VSTM4: variants seen among roughly 807,000 people sequenced by gnomAD.
VSTM4 encodes V-set and transmembrane domain-containing protein 4.
VSTM4 carries 20 observed loss-of-function variants against 36.4 expected under a neutral mutation model. The ratio of observed to expected loss-of-function variants is 0.55; its 90% CI spans 0.39 to 0.80. VSTM4 has a LOEUF of 0.80. Ranked by LOEUF, VSTM4 falls within the 30% of genes least tolerant of loss-of-function variation. VSTM4 has a pLI of 0.00. For missense variants in VSTM4, 392 were observed against 404.5 expected, an observed-to-expected ratio of 0.97 and a Z score of 0.26; for synonymous variants, 182 against 173.9, an observed-to-expected ratio of 1.05 and a Z score of -0.37.
chr10:49,030,471 C>T (rs1464034868), intron 7 of VSTM4, among the ~76,000 whole-genome samples: 2 of 152,130 alleles, frequency 1.3e-5, no homozygotes, highest in Non-Finnish European at 2.9e-5. Flanking sequence ...GGCCAGATTC[C>T]CCCTCCACCC....
At chr10:49,074,042 C>T (rs184345261) in intron 4 of VSTM4, among the ~76,000 whole-genome samples, 1 of 152,238 alleles carries the variant, frequency 6.6e-6, no homozygotes, top group Non-Finnish European at 1.5e-5. Context: ...CCATCTGTGT[C>T]TGTCTATGCT....
intron 6 of VSTM4, among the ~76,000 whole-genome samples, chr10:49,047,541 G>A (rs768089932): frequency 1.6e-4 from 25 of 152,358 alleles, no homozygotes; most frequent in African/African-American, 5.8e-4. Flanking sequence ...GGCATTGAAA[G>A]TCAGGCTCTA....
chr10:49,068,301 C>T (rs994028592), intron 4 of VSTM4, among the ~76,000 whole-genome samples: 3 of 151,990 alleles, frequency 2.0e-5, no homozygotes, highest in Non-Finnish European at 2.9e-5. Flanking sequence ...ATGAGCTGAC[C>T]GGTGTTTTGA....
At chr10:49,071,580 G>A (rs1310268424) in intron 4 of VSTM4, among the ~76,000 whole-genome samples, 1 of 152,222 alleles carries the variant, frequency 6.6e-6, no homozygotes, top group African/African-American at 2.4e-5. Context: ...TGGGGTGAGG[G>A]CAGAGAAGCA....
At chr10:49,078,907 C>G (rs1416008690) in intron 3 of VSTM4, among the ~76,000 whole-genome samples, 2 of 152,210 alleles carry the variant, frequency 1.3e-5, no homozygotes, top group Non-Finnish European at 2.9e-5. Context: ...TCTTGGCTCA[C>G]TGCAACCTTC....
At chr10:49,114,532 G>A (rs1844954064) in intron 1 of VSTM4, among the ~76,000 whole-genome samples, 2 of 151,568 alleles carry the variant, frequency 1.3e-5, no homozygotes, top group Non-Finnish European at 2.9e-5. Flanking sequence ...TATAAAATAG[G>A]GATAATAATA....
intron 2 of VSTM4, chr10:49,103,105 G>C (rs1420379826): frequency 6.6e-6 from 1 of 151,892 alleles, no homozygotes; most frequent in African/African-American, 2.4e-5. Context: ...TAGATCTTTG[G>C]ACCCGGCAAT....
At chr10:49,103,941 A>G in intron 2 of VSTM4, 8 of 1,161,664 alleles carry the variant, frequency 6.9e-6, no homozygotes, top group Non-Finnish European at 9.9e-6. Flanking sequence ...CAAACCCCCA[A>G]GAGCTCCTGT....
At chr10:49,040,881 C>G (rs956685957) in intron 7 of VSTM4, among the ~76,000 whole-genome samples, 33 of 152,318 alleles carry the variant, frequency 2.2e-4, no homozygotes, top group African/African-American at 7.5e-4. Flanking sequence ...GGTTTCTAGA[C>G]AGAGGGGCTG....
At chr10:49,067,528 C>T (rs764626270) in intron 4 of VSTM4, among the ~76,000 whole-genome samples, 12 of 152,216 alleles carry the variant, frequency 7.9e-5, no homozygotes, top group Non-Finnish European at 8.8e-5. Flanking sequence ...CTTATCTAAT[C>T]TGACTAGTGT....
intron 4 of VSTM4, among the ~76,000 whole-genome samples, chr10:49,072,761 TCAGAGG>T (rs1844104047): frequency 6.6e-6 from 1 of 152,204 alleles, no homozygotes; most frequent in Non-Finnish European, 1.5e-5. Context: ...CCTATTTGTC[TCAGAGG>T]CAGGCCCCAG....
At chr10:49,059,040 A>G (rs1277219217) in intron 5 of VSTM4, among the ~76,000 whole-genome samples, 1 of 152,248 alleles carries the variant, frequency 6.6e-6, no homozygotes, top group Non-Finnish European at 1.5e-5. Flanking sequence ...ACAGAGGCAG[A>G]GCACAATTCA....
intron 1 of VSTM4, among the ~76,000 whole-genome samples, chr10:49,111,439 G>C (rs1387676335): frequency 6.6e-6 from 1 of 152,162 alleles, no homozygotes; most frequent in Non-Finnish European, 1.5e-5. Flanking sequence ...CTGAATGACA[G>C]TCCATGCATG....
chr10:49,019,690 G>A lies in VSTM4; in HGVS notation c.923C>T (p.Thr308Ile). The change falls in exon 8 of 8, where the codon ACT becomes ATT. Residue 308 changes from threonine to isoleucine, a missense_variant. Transcript: ENST00000332853. ...HRAAKGAPTS[T>I]VYAQILFEEN... ...CTCGAAGAGGATCTGGGCGTAGACA[G>A]TGCTGGTGGGGGCGCCTTTGGCAGC... The A allele has an allele frequency of 1.2e-6, 2 of 1,614,104 alleles. No homozygotes were observed. Among genetic ancestry groups the A allele is most frequent in the Non-Finnish European group, 1.7e-6 (2 of 1,180,012 alleles).
chr10:49,081,140 A>T (rs1295958039), intron 3 of VSTM4, among the ~76,000 whole-genome samples: 2 of 152,194 alleles, frequency 1.3e-5, no homozygotes. Flanking sequence ...GCCACAACCC[A>T]GCAAACCCAC....
At position 49,019,556 on chromosome 10, in the gene VSTM4, T is replaced by A; in HGVS notation, c.*94A>T. On this transcript the variant is annotated 3_prime_UTR_variant, in exon 8 of 8. Transcript: ENST00000332853. ...GGGGCTCCCCACCACTCAGAAGGCA[T>A]GAGTGAAAATACAGACATAAGGGCT... The A allele has an allele frequency of 6.9e-7, 1 of 1,453,676 alleles. No individual in the cohort carries two copies. Among genetic ancestry groups the A allele is most frequent in the South Asian group, 1.6e-5 (1 of 61,150 alleles). 90.0% of individuals were successfully genotyped at this position (1,453,676 alleles called of 1,614,324 possible). A position where few individuals can be genotyped will look rare whatever the true frequency, so the allele number is the denominator to read the frequency against.
intron 2 of VSTM4, among the ~76,000 whole-genome samples, chr10:49,106,083 A>T (rs2132025263): frequency 6.6e-6 from 1 of 152,316 alleles, no homozygotes; most frequent in East Asian, 1.9e-4. Flanking sequence ...GTACTTATAA[A>T]CATTACAACA....
chr10:49,114,986 G>A (rs952116237), intron 1 of VSTM4, among the ~76,000 whole-genome samples: 2 of 152,142 alleles, frequency 1.3e-5, no homozygotes, highest in Admixed American at 1.3e-4. Context: ...GGCAGATCCA[G>A]CCGCTCCTGA....
At chr10:49,031,136 T>C (rs923020141) in intron 7 of VSTM4, among the ~76,000 whole-genome samples, 1 of 152,210 alleles carries the variant, frequency 6.6e-6, no homozygotes, top group Non-Finnish European at 1.5e-5. Context: ...TGCTGAGAAT[T>C]TGCAGACTTG....
Sources: allele counts gnomAD v4.1 joint callset (sites outside exome capture counted in the v4.1 genomes callset), GRCh38; gene constraint gnomAD v4.1.1; transcripts MANE v1.5; gene names NCBI Gene and HGNC (gene_info 2026-07-23, HGNC 2026-07-21).